Variants in FERRY3 observed in about 807,000 individuals in gnomAD.
FERRY3 encodes FERRY endosomal RAB5 effector complex subunit 3.
the FERRY3 span, among the ~76,000 whole-genome samples, chr12:4,511,203 A>G: frequency 6.6e-6 from 1 of 151,914 alleles, no homozygotes; most frequent in African/African-American, 2.4e-5. Flanking sequence ...TCCTAAATAT[A>G]TATGCACTCA....
chr12:4,526,744 A>C, the FERRY3 span, among the ~76,000 whole-genome samples: 1 of 151,890 alleles, frequency 6.6e-6, no homozygotes, highest in Non-Finnish European at 1.5e-5. Context: ...TGGGAGGCTG[A>C]GGTAGGAGAA....
At chr12:4,529,588 C>T in the FERRY3 span, among the ~76,000 whole-genome samples, 2 of 152,164 alleles carry the variant, frequency 1.3e-5, no homozygotes, top group Non-Finnish European at 2.9e-5. Context: ...TGGAACAAAA[C>T]AAACCTTCAA....
chr12:4,494,474 T>G, the FERRY3 span, among the ~76,000 whole-genome samples: 5 of 152,246 alleles, frequency 3.3e-5, no homozygotes, highest in African/African-American at 1.2e-4. Context: ...AGCTCTTTTG[T>G]TTAGGTCTGA....
the FERRY3 span, among the ~76,000 whole-genome samples, chr12:4,491,570 C>G: frequency 1.3e-5 from 2 of 152,180 alleles, no homozygotes; most frequent in African/African-American, 4.8e-5. Flanking sequence ...TTCTATTGCA[C>G]TGTATATTTG....
chr12:4,527,177 T>C, the FERRY3 span, among the ~76,000 whole-genome samples: 1 of 152,162 alleles, frequency 6.6e-6, no homozygotes, highest in Non-Finnish European at 1.5e-5. Flanking sequence ...AAAGGTATCA[T>C]TGCCATTTTT....
At chr12:4,534,444 C>T in the FERRY3 span, 1 of 953,400 alleles carries the variant, frequency 1.0e-6, no homozygotes, top group Non-Finnish European at 1.5e-6. Context: ...CTCTCTGTTA[C>T]ACAGGCTGGA....
At chr12:4,506,577 G>A in the FERRY3 span, among the ~76,000 whole-genome samples, 1 of 152,084 alleles carries the variant, frequency 6.6e-6, no homozygotes, top group South Asian at 2.1e-4. Context: ...CAATAAAGAA[G>A]GACTCTAATC....
chr12:4,532,901 G>T, the FERRY3 span, among the ~76,000 whole-genome samples: 1 of 152,032 alleles, frequency 6.6e-6, no homozygotes, highest in Non-Finnish European at 1.5e-5. Context: ...CCTGCAGTCG[G>T]GCTTTAGAGA....
chr12:4,521,142 C>T, the FERRY3 span, among the ~76,000 whole-genome samples: 6 of 152,070 alleles, frequency 3.9e-5, no homozygotes, highest in Admixed American at 1.3e-4. Flanking sequence ...GGGCGAATCA[C>T]GAGATCAGGA....
At chr12:4,491,097 T>C in the FERRY3 span, 1 of 1,302,418 alleles carries the variant, frequency 7.7e-7, no homozygotes, top group Non-Finnish European at 1.1e-6. Context: ...ATCTTTCACA[T>C]TCTCTCTTCT....
chr12:4,491,329 T>C, the FERRY3 span: 1 of 1,135,722 alleles, frequency 8.8e-7, no homozygotes, highest in Non-Finnish European at 1.3e-6. Context: ...CTATCCATGT[T>C]GTGAACAGAT....
the FERRY3 span, chr12:4,488,180 GC>G: frequency 1.3e-5 from 2 of 152,130 alleles, no homozygotes; most frequent in Non-Finnish European, 2.9e-5. This position sits in a 1 kb window ranked among gnomAD's most constrained non-coding sequence, Gnocchi z 4.9. Flanking sequence ...CCTTTACACA[GC>G]CCTCAGTTAA....
the FERRY3 span, among the ~76,000 whole-genome samples, chr12:4,518,576 G>A: frequency 6.6e-6 from 1 of 152,046 alleles, no homozygotes; most frequent in African/African-American, 2.4e-5. Flanking sequence ...AAGTTGCAGC[G>A]GTCAGGCACG....
the FERRY3 span, among the ~76,000 whole-genome samples, chr12:4,510,532 C>G: frequency 2.0e-5 from 3 of 147,186 alleles, no homozygotes; most frequent in Non-Finnish European, 4.5e-5. Context: ...GCCCATCAGA[C>G]TAACAGCAGA....
At chr12:4,505,345 T>G in the FERRY3 span, 1 of 1,606,368 alleles carries the variant, frequency 6.2e-7, no homozygotes, top group Admixed American at 1.7e-5. Context: ...GCATTCTTAG[T>G]CTTATCATCA....
the FERRY3 span, among the ~76,000 whole-genome samples, chr12:4,534,592 T>C: frequency 2.6e-5 from 4 of 152,070 alleles, no homozygotes; most frequent in Admixed American, 6.6e-5. Context: ...TTGGTAAAGA[T>C]AGGTCTCACC....
At chr12:4,529,317 AAGG>A in the FERRY3 span, among the ~76,000 whole-genome samples, 1 of 152,178 alleles carries the variant, frequency 6.6e-6, no homozygotes, top group Non-Finnish European at 1.5e-5. Context: ...ATTTTTTTCT[AAGG>A]TACTTGAGCG....
At chr12:4,490,461 T>A in the FERRY3 span, 148 of 1,338,708 alleles carry the variant, frequency 1.1e-4, no homozygotes, top group Non-Finnish European at 1.5e-4. Context: ...TGCCTAGCTG[T>A]ATCTGTGAGA....
At chr12:4,523,004 G>C in the FERRY3 span, among the ~76,000 whole-genome samples, 1 of 152,176 alleles carries the variant, frequency 6.6e-6, no homozygotes, top group African/African-American at 2.4e-5. Context: ...TCTGTATTTT[G>C]ATTGTGGTGA....
Sources: allele counts gnomAD v4.1 joint callset (sites outside exome capture counted in the v4.1 genomes callset), GRCh38; gene constraint gnomAD v4.1.1; non-coding constraint Gnocchi (gnomAD v3.1); transcripts MANE v1.5; gene names NCBI Gene and HGNC (gene_info 2026-07-23, HGNC 2026-07-21).